The following GLT1D1 variants were observed in gnomAD, a reference collection of about 807,000 sequenced individuals.
GLT1D1 encodes the protein glycosyltransferase 1 domain containing 1.
In GLT1D1, 21 loss-of-function variants were observed where a neutral mutation model predicts 28.7. That is an observed-to-expected ratio of 0.73 (90% CI 0.52 to 1.05). GLT1D1 has a LOEUF of 1.05. GLT1D1 is among the 50% of genes least tolerant of loss of function. The pLI, the probability that GLT1D1 is intolerant of heterozygous loss-of-function variation, is 0.00. For synonymous variants in GLT1D1, 147 were observed against 124.8 expected (o/e 1.18, Z -1.19); for missense variants, 343 against 330.6 (o/e 1.04, Z -0.29).
intron 1 of GLT1D1, among the ~76,000 whole-genome samples, chr12:128,865,205 C>G (rs565259722): frequency 6.6e-6 from 1 of 152,332 alleles, no homozygotes; most frequent in East Asian, 1.9e-4. Flanking sequence ...CCCCTGTGAA[C>G]TCCCAAAGCC....
chr12:128,982,704 G>A (rs1342851785), intron 7 of GLT1D1, among the ~76,000 whole-genome samples: 1 of 151,794 alleles, frequency 6.6e-6, no homozygotes, highest in African/African-American at 2.4e-5. Flanking sequence ...GTGCATATGT[G>A]TGTGTGCATG....
At chr12:128,914,877 G>A in intron 4 of GLT1D1, 56 bp from the exon 6 acceptor site, 1 of 1,167,604 alleles carries the variant, frequency 8.6e-7, no homozygotes, top group Non-Finnish European at 1.2e-6. Context: ...ATAACTCATT[G>A]TATTTCAGCA....
At chr12:128,963,558 A>C (rs1390406338) in intron 7 of GLT1D1, among the ~76,000 whole-genome samples, 1 of 152,124 alleles carries the variant, frequency 6.6e-6, no homozygotes, top group African/African-American at 2.4e-5. Flanking sequence ...AGGCAGGAGA[A>C]TTGCTTAAAC....
chr12:128,943,994 T>C (rs533101117), intron 4 of GLT1D1, among the ~76,000 whole-genome samples: 7 of 152,316 alleles, frequency 4.6e-5, no homozygotes, highest in African/African-American at 1.7e-4. Context: ...CAAATGCTCT[T>C]TTAATTTTGC....
At chr12:128,870,077 C>G (rs934656947) in intron 1 of GLT1D1, among the ~76,000 whole-genome samples, 15 of 151,656 alleles carry the variant, frequency 9.9e-5, no homozygotes, top group African/African-American at 3.4e-4. Context: ...TACCCAGCTA[C>G]TTTTTGTATT....
intron 7 of GLT1D1, among the ~76,000 whole-genome samples, chr12:128,980,709 C>T (rs925626487): frequency 1.1e-4 from 16 of 152,312 alleles, no homozygotes; most frequent in African/African-American, 3.1e-4. Flanking sequence ...TCTCCAGGGC[C>T]GGGGCGCATG....
intron 4 of GLT1D1, among the ~76,000 whole-genome samples, chr12:128,907,649 A>G (rs683627): frequency 0.68 from 102,674 of 152,074 alleles, 35,367 homozygotes; most frequent in East Asian, 0.83. Context: ...CCCTCATTGG[A>G]GATTTCTGGA....
chr12:128,855,256 C>A (rs796657350), intron 1 of GLT1D1, among the ~76,000 whole-genome samples: 2,426 of 131,322 alleles, frequency 0.018, 67 homozygotes, highest in African/African-American at 0.057. Context: ...ACAACAACAA[C>A]AAAAAAAACA....
intron 4 of GLT1D1, among the ~76,000 whole-genome samples, chr12:128,923,789 G>T (rs1270578611): frequency 6.6e-6 from 1 of 152,010 alleles, no homozygotes. Context: ...CACAATGTTG[G>T]GATTACAGGC....
intron 1 of GLT1D1, among the ~76,000 whole-genome samples, chr12:128,854,446 G>A (rs1466370128): frequency 1.4e-5 from 2 of 147,040 alleles, no homozygotes; most frequent in East Asian, 4.2e-4. Flanking sequence ...TGTAAAAGCG[G>A]ACTTGCTTCA....
intron 4 of GLT1D1, chr12:128,944,638 G>A: frequency 4.1e-6 from 3 of 736,200 alleles, no homozygotes; most frequent in South Asian, 2.7e-5. Flanking sequence ...GGTCTGATCA[G>A]CTTTATCTAG....
chr12:128,854,809 A>T (rs899486660), intron 1 of GLT1D1, among the ~76,000 whole-genome samples: 4 of 152,138 alleles, frequency 2.6e-5, no homozygotes, highest in African/African-American at 9.7e-5. Flanking sequence ...CTCATCATTA[A>T]AATGAGCAAT....
intron 7 of GLT1D1, among the ~76,000 whole-genome samples, chr12:128,960,925 G>T (rs1372966870): frequency 6.6e-6 from 1 of 152,164 alleles, no homozygotes; most frequent in African/African-American, 2.4e-5. Context: ...GCAGTTAGTA[G>T]TTCTGCATTC....
chr12:128,954,594 A>G (rs1877083054), intron 6 of GLT1D1, among the ~76,000 whole-genome samples: 1 of 152,154 alleles, frequency 6.6e-6, no homozygotes, highest in African/African-American at 2.4e-5. Flanking sequence ...CCCATCTGCT[A>G]CTGTAATCTC....
At chr12:128,859,733 AT>A (rs1367997674) in intron 1 of GLT1D1, among the ~76,000 whole-genome samples, 2 of 152,158 alleles carry the variant, frequency 1.3e-5, no homozygotes, top group Non-Finnish European at 2.9e-5. Flanking sequence ...TCATGTATGT[AT>A]TTGGGTTTGG....
chr12:128,854,226 T>A lies in GLT1D1; in HGVS notation c.68+577T>A, dbSNP rs146028377. 2.0e-4 allele frequency among the ~76,000 whole-genome samples: 31 copies of A among 151,264 alleles called. No homozygotes were observed. The East Asian group carries it at 6.1e-3, about 30-fold the overall frequency. On this transcript the variant is annotated intron_variant, in intron 1 of 7. Transcript: ENST00000281703. ...TTTGTTTACTTGTTGGTCTGTGTTCTGGTCGCTGGAACGCAAGCCCGGCGG... is the reference window on the plus strand; with the variant it reads ...TTTGTTTACTTGTTGGTCTGTGTTCAGGTCGCTGGAACGCAAGCCCGGCGG...
chr12:128,942,738 TGTTTGTTTTTG>T lies in GLT1D1; in HGVS notation c.376-2587_376-2577del, dbSNP rs376771647. ...ACTTTAGATTCCAATTTTCTTTGTT[TGTTTGTTTTTG>T]TTTTTTGTTTTTTTTTTTTGAGACA... On this transcript the variant is annotated intron_variant, in intron 4 of 7. Coordinates refer to ENST00000281703, the MANE Select transcript of GLT1D1 (RefSeq NM_144669.3). 2.2e-3 allele frequency among the ~76,000 whole-genome samples: 221 copies of T among 99,708 alleles called. 29 individuals carry two copies. The highest frequency in any genetic ancestry group is 7.7e-3 in the African/African-American group (207 of 26,868). 65.4% of individuals were successfully genotyped at this position (99,708 alleles called of 152,430 possible). A position where few individuals can be genotyped will look rare whatever the true frequency, so the allele number is the denominator to read the frequency against.
chr12:128,922,878 G>A (rs1415677539), intron 4 of GLT1D1, among the ~76,000 whole-genome samples: 1 of 129,946 alleles, frequency 7.7e-6, no homozygotes, highest in Non-Finnish European at 1.5e-5. Context: ...AGCCGAGAAC[G>A]CACCACTGCA....
At chr12:128,860,396 G>A (rs1956327357) in intron 1 of GLT1D1, among the ~76,000 whole-genome samples, 1 of 152,244 alleles carries the variant, frequency 6.6e-6, no homozygotes, top group Admixed American at 6.5e-5. Context: ...AGGTGGCAGA[G>A]GTTGCAGTGA....
Sources: allele counts gnomAD v4.1 joint callset (sites outside exome capture counted in the v4.1 genomes callset), GRCh38; gene constraint gnomAD v4.1.1; transcripts MANE v1.5; gene names NCBI Gene and HGNC (gene_info 2026-07-23, HGNC 2026-07-21).